Variants in RNF135 observed in about 807,000 individuals in gnomAD.
The protein encoded by RNF135 is ring finger protein 135, also known as E3 ubiquitin-protein ligase RNF135.
Under a neutral mutation model 41.9 loss-of-function variants are expected in RNF135, and 46 were observed. The observed-to-expected ratio is 1.10, with a 90% CI of 0.87 to 1.40. The LOEUF (loss-of-function observed/expected upper bound fraction) is 1.40, where lower values mean the gene tolerates loss of function less well. Among genes scored for constraint, RNF135 ranks in the 40% most tolerant of loss-of-function variants. The pLI is 0.00. For missense variants in RNF135, 539 were observed against 549.8 expected (o/e 0.98, Z 0.20); for synonymous variants, 238 against 223.8 (o/e 1.06, Z -0.57).
chr17:30,979,354 C>G (rs372439320), intron 1 of RNF135: 3 of 122,628 alleles, frequency 2.4e-5, no homozygotes, highest in Non-Finnish European at 3.4e-5. Context: ...GGCGGCTGGC[C>G]GGGCGGGGGG....
At chr17:30,961,502 A>T in the RNF135 span, among the ~76,000 whole-genome samples, 1 of 150,464 alleles carries the variant, frequency 6.6e-6, no homozygotes, top group Non-Finnish European at 1.5e-5. Context: ...TTGCTCTGTC[A>T]CCCAGGCTGG....
At chr17:30,977,527 C>A (rs976299261) in intron 1 of RNF135, among the ~76,000 whole-genome samples, 25 of 152,134 alleles carry the variant, frequency 1.6e-4, no homozygotes, top group African/African-American at 5.8e-4. Context: ...GCATGCGCCA[C>A]CATGCCCAGC....
At chr17:30,974,486 T>A (rs574274013) in intron 1 of RNF135, among the ~76,000 whole-genome samples, 109 of 152,188 alleles carry the variant, frequency 7.2e-4, no homozygotes, top group African/African-American at 2.5e-3. Context: ...AATCTGTAGA[T>A]CACTTTGGGT....
the RNF135 span, among the ~76,000 whole-genome samples, chr17:30,960,987 C>T: frequency 6.6e-6 from 1 of 152,102 alleles, no homozygotes; most frequent in Non-Finnish European, 1.5e-5. Flanking sequence ...GATCCACCTG[C>T]CTCGGCCTCC....
intron 1 of RNF135, chr17:30,975,908 A>G (rs1392785405): frequency 1.6e-6 from 1 of 612,636 alleles, no homozygotes; most frequent in South Asian, 2.2e-5. Context: ...TTGGGCTCCA[A>G]GCTTCAATTC....
chr17:30,998,034 A>G (rs1483337883), intron 4 of RNF135, among the ~76,000 whole-genome samples: 1 of 152,212 alleles, frequency 6.6e-6, no homozygotes, highest in Non-Finnish European at 1.5e-5. Flanking sequence ...ATAAATCACC[A>G]TAAGACGGGC....
chr17:30,968,669 T>G (rs1255209398), upstream of RNF135: 1 of 152,362 alleles, frequency 6.6e-6, no homozygotes, highest in African/African-American at 2.4e-5. Flanking sequence ...ATTACAGGCG[T>G]GAGCCACTGC....
At chr17:30,978,480 ATTCT>A (rs1394414177) in intron 1 of RNF135, 3 of 151,992 alleles carry the variant, frequency 2.0e-5, no homozygotes, top group East Asian at 3.9e-4. Flanking sequence ...AGGCTCACTA[ATTCT>A]TTCTAATACT....
At chr17:30,983,336 TATATATA>T (rs1407812984) in intron 1 of RNF135, among the ~76,000 whole-genome samples, 105 of 28,890 alleles carry the variant, frequency 3.6e-3, no homozygotes, top group African/African-American at 4.4e-3. Context: ...TATATATATA[TATATATA>T]TATATATATA....
chr17:30,983,341 ATATATATATATATTTT>A (rs1198972638), intron 1 of RNF135, among the ~76,000 whole-genome samples: 1,281 of 31,704 alleles, frequency 0.04, 19 homozygotes, highest in Non-Finnish European at 0.069. Flanking sequence ...ATATATATAT[ATATATATATATATTTT>A]TTTTTTTTTT....
At chr17:30,989,910 G>C (rs1167727747) in intron 3 of RNF135, among the ~76,000 whole-genome samples, 1 of 140,294 alleles carries the variant, frequency 7.1e-6, no homozygotes, top group Non-Finnish European at 1.5e-5. Flanking sequence ...AGAGGCACAA[G>C]AATCACTTGA....
At chr17:30,991,699 C>T (rs1336820265) in intron 3 of RNF135, among the ~76,000 whole-genome samples, 1 of 151,884 alleles carries the variant, frequency 6.6e-6, no homozygotes, top group Admixed American at 6.6e-5. Flanking sequence ...CAGGGGTGAG[C>T]CACCGTGCCC....
rs138470892 is a variant in RNF135 at position 30,986,976 on chromosome 17, A to G, written c.517-968A>G. Among the ~76,000 whole-genome samples the G allele has an allele frequency of 1.4e-3, 212 of 152,262 alleles. 1 individual carries two copies. The highest frequency in any genetic ancestry group is 4.8e-3 in the African/African-American group (200 of 41,550). On this transcript the variant is annotated intron_variant, in intron 2 of 4. Transcript: ENST00000328381. ...AAAGGCAATATCTAGCATGTAGAAA[A>G]CACTCAATAAGTGTAATACTACCGT...
At chr17:30,969,076 T>C (rs1195639733), upstream of RNF135, 1 of 151,798 alleles carries the variant, frequency 6.6e-6, no homozygotes, top group Non-Finnish European at 1.5e-5. Context: ...AGTTTTTGTA[T>C]TTTTTTTGTA....
intron 3 of RNF135, among the ~76,000 whole-genome samples, chr17:30,993,122 G>A (rs761149330): frequency 2.7e-4 from 41 of 149,932 alleles, no homozygotes; most frequent in Non-Finnish European, 4.4e-4. Flanking sequence ...GTGCAGTGGC[G>A]CGATCTCGGC....
At chr17:30,977,483 C>T (rs1396677245) in intron 1 of RNF135, among the ~76,000 whole-genome samples, 1 of 152,166 alleles carries the variant, frequency 6.6e-6, no homozygotes, top group African/African-American at 2.4e-5. Context: ...AAGAAATTCT[C>T]CTGTCTCAGC....
At chr17:30,998,621 T>A (rs1301685319) in intron 4 of RNF135, 41 bp from the exon 5 acceptor site, 6 of 1,602,370 alleles carry the variant, frequency 3.7e-6, no homozygotes, top group Non-Finnish European at 5.1e-6. Flanking sequence ...CATCAAAAGA[T>A]GACCGGCCAT....
At chr17:30,979,924 T>C (rs1906913465) in intron 1 of RNF135, among the ~76,000 whole-genome samples, 1 of 88,768 alleles carries the variant, frequency 1.1e-5, no homozygotes, top group South Asian at 4.8e-4. Context: ...CACTTCCCAG[T>C]AGGGGCGGCC....
intron 1 of RNF135, chr17:30,980,220 C>G (rs1473412730): frequency 7.3e-6 from 1 of 136,116 alleles, no homozygotes; most frequent in South Asian, 2.3e-4. Context: ...CTGACCCCCC[C>G]ACCTCCCTCC....
Sources: gnomAD v4.1 joint callset for allele counts (sites outside exome capture counted in the v4.1 genomes callset) on GRCh38, gnomAD v4.1.1 for gene constraint, MANE v1.5 for transcripts, NCBI Gene and HGNC (gene_info 2026-07-23, HGNC 2026-07-21) for gene names.